MACC1: variants seen among roughly 807,000 people sequenced by gnomAD.
The protein encoded by MACC1 is metastasis-associated in colon cancer protein 1.
A neutral mutation model predicts 70.7 loss-of-function variants in MACC1; 79 were observed. That is an observed-to-expected ratio of 1.12 (90% CI 0.93 to 1.35). MACC1 has a LOEUF of 1.35. Ranked by LOEUF, MACC1 falls within the 40% of genes most tolerant of loss-of-function variation. The pLI is 0.00. For synonymous variants in MACC1, 361 were observed against 347.2 expected (o/e 1.04, Z -0.44); for missense variants, 1,106 against 978.1 (o/e 1.13, Z -1.74).
In MACC1 at chr7:20,159,838, G is replaced by C; in HGVS notation, c.523C>G (p.Arg175Gly). The C allele has an allele frequency of 6.2e-7, 1 of 1,614,086 alleles. No homozygotes were observed. Among genetic ancestry groups the C allele is most frequent in the Non-Finnish European group, 8.5e-7 (1 of 1,180,010 alleles). Residue 175 changes from arginine (R) to glycine (G), a missense_variant, in exon 5 of 7, where the codon CGG (arginine) becomes GGG (glycine). Transcript: ENST00000400331. Reference sequence around the variant, plus strand: ...AACCAAGCCATTTTATAAGCCTCCCGATCATTTTTAAGCCACTCTAAGTCG... The same window carrying C: ...AACCAAGCCATTTTATAAGCCTCCCCATCATTTTTAAGCCACTCTAAGTCG... Reference protein sequence around the residue: ...LHDLEWLKNDREAYKMAWLSQ... With the variant: ...LHDLEWLKNDGEAYKMAWLSQ...
At chr7:20,156,606 A>G (rs1318328709) in intron 5 of MACC1, among the ~76,000 whole-genome samples, 1 of 152,222 alleles carries the variant, frequency 6.6e-6, no homozygotes, top group Non-Finnish European at 1.5e-5. Context: ...AGCTTCTAAC[A>G]TTCAGTCTCC....
At chr7:20,144,754 G>T (rs1236916441) in intron 6 of MACC1, among the ~76,000 whole-genome samples, 2 of 152,110 alleles carry the variant, frequency 1.3e-5, no homozygotes, top group African/African-American at 2.4e-5. Flanking sequence ...ACAGACAAGG[G>T]TTTAGCATCA....
In MACC1 at chr7:20,156,149, C is replaced by T. The variant is rs543128080; in HGVS notation, c.2158-1768G>A. Among the ~76,000 whole-genome samples the T allele has an allele frequency of 5.5e-4, 84 of 152,210 alleles. 1 individual carries two copies. The highest frequency in any genetic ancestry group is 1.9e-3 in the African/African-American group (78 of 41,530). On this transcript the variant is annotated intron_variant, in intron 5 of 6. Coordinates refer to ENST00000400331, the MANE Select transcript of MACC1 (RefSeq NM_182762.4). ...GATCCCACAGTCTTTTTCAGCTTAT[C>T]GGGTCGCTCCCTGCCACACCAAATC...
chr7:20,204,221 C>G (rs552415298), intron 1 of MACC1, among the ~76,000 whole-genome samples: 5 of 152,136 alleles, frequency 3.3e-5, no homozygotes, highest in African/African-American at 9.6e-5. Flanking sequence ...GTGGCGTGAT[C>G]TCGGCTCACT....
intron 4 of MACC1, among the ~76,000 whole-genome samples, chr7:20,160,554 A>G (rs1019284104): frequency 2.0e-5 from 3 of 152,158 alleles, no homozygotes; most frequent in Non-Finnish European, 4.4e-5. Context: ...CATTTTCTTG[A>G]AAATGACTCA....
chr7:20,190,295 C>A (rs1186019338), intron 1 of MACC1, among the ~76,000 whole-genome samples: 1 of 152,118 alleles, frequency 6.6e-6, no homozygotes, highest in African/African-American at 2.4e-5. Context: ...AAGATAATTG[C>A]AATCATGGCA....
chr7:20,147,712 A>G (rs1049173575), intron 6 of MACC1, among the ~76,000 whole-genome samples: 2 of 152,214 alleles, frequency 1.3e-5, no homozygotes, highest in Non-Finnish European at 2.9e-5. Flanking sequence ...GATTCCATTG[A>G]AAAAGTCTAT....
At chr7:20,199,996 T>A (rs1326003290) in intron 1 of MACC1, among the ~76,000 whole-genome samples, 1 of 151,892 alleles carries the variant, frequency 6.6e-6, no homozygotes, top group East Asian at 1.9e-4. Context: ...AGATAGAGAA[T>A]AAAGATAAAC....
At chr7:20,155,464 C>A (rs1782042562) in intron 5 of MACC1, among the ~76,000 whole-genome samples, 1 of 152,128 alleles carries the variant, frequency 6.6e-6, no homozygotes, top group South Asian at 2.1e-4. Context: ...TGAATGTGGC[C>A]TCTCTCTTTC....
chr7:20,138,152 C>CAAAAAAAAAAAAAAAAAAAAAA lies in MACC1; in HGVS notation c.*2772_*2793dup, dbSNP rs535703374. On this transcript the variant is annotated 3_prime_UTR_variant, in exon 7 of 7. Coordinates refer to ENST00000400331, the MANE Select transcript of MACC1 (RefSeq NM_182762.4). ...TGGGCAACAGAGCCAGACTCTGGCT[C>CAAAAAAAAAAAAAAAAAAAAAA]AAAAAAAAAAAAAAAAAAAAAAAAA... The CAAAAAAAAAAAAAAAAAAAAAA allele has an allele frequency of 2.4e-4, 16 of 67,878 alleles. No individual in the cohort carries two copies. The highest frequency in any genetic ancestry group is 3.0e-4 in the Non-Finnish European group (10 of 33,486). The allele number at this position is 67,878 out of a possible 1,614,324, so 4.2% of individuals were successfully genotyped here.
chr7:20,152,234 GAA>G (rs1781989944), intron 6 of MACC1, among the ~76,000 whole-genome samples: 1 of 151,868 alleles, frequency 6.6e-6, no homozygotes, highest in African/African-American at 2.4e-5. Flanking sequence ...GCCCTCTGAG[GAA>G]ATGACATACA....
intron 2 of MACC1, 132 bp downstream of exon 2, chr7:20,170,582 G>A (rs1782289148): frequency 6.6e-6 from 1 of 152,196 alleles, no homozygotes; most frequent in African/African-American, 2.4e-5. Flanking sequence ...TTAGATTTGT[G>A]TTAGTACTTT....
Position 20,176,314 on chromosome 7 carries a change from C to A in MACC1, c.-217-5536G>T, listed in dbSNP as rs540622411. Among the ~76,000 whole-genome samples the A allele has an allele frequency of 8.4e-4, 128 of 152,090 alleles. No homozygotes were observed. The Middle Eastern group carries it at 0.037, about 44-fold the overall frequency. On this transcript the variant is annotated intron_variant, in intron 1 of 6. Coordinates refer to ENST00000400331, the MANE Select transcript of MACC1 (RefSeq NM_182762.4). ...AAACTCGTAAAAATAAAAGAGAAGT[C>A]TATACATGAGATAAAATGGCATAGA...
rs752945260 is a variant in MACC1, at chr7:20,159,652, G to T, written c.709C>A (p.Pro237Thr). 6 of 1,614,030 alleles carry T rather than the reference G, an allele frequency of 3.7e-6. No homozygotes were observed. In the East Asian group the frequency reaches 8.9e-5, roughly 24 times the overall value. Residue 237 changes from proline to threonine, a missense_variant, in exon 5 of 7, where the codon CCC becomes ACC. Transcript: ENST00000400331. ...TCTCCCACAGCCACATGACCTTGGG[G>T]CACATGAACAGTGATGTCTGATTCA... ...LPESDITVHV[P>T]QGHVAVGEFQ... is the part of the protein sequence containing the mutation.
chr7:20,178,652 T>A (rs1386711573), intron 1 of MACC1, among the ~76,000 whole-genome samples: 2 of 152,204 alleles, frequency 1.3e-5, no homozygotes, highest in East Asian at 3.8e-4. Flanking sequence ...CAGGCAGGAG[T>A]GCAAAGGCGC....
At position 20,135,188 on chromosome 7, in the gene MACC1, A is replaced by G. The variant is rs1407512912; in HGVS notation, c.*5758T>C. ...AATGTTACATATATTTTGTAAAATT[A>G]TCTTAAAATTATACTGAATACATGT... is the stretch of plus-strand genomic sequence containing the variant. On this transcript the variant is annotated 3_prime_UTR_variant, in exon 7 of 7. Transcript: ENST00000400331. 1 of 152,262 alleles carries G rather than the reference A, an allele frequency of 6.6e-6. No homozygotes were observed. Among genetic ancestry groups the G allele is most frequent in the Non-Finnish European group, 1.5e-5 (1 of 68,040 alleles). The allele number at this position is 152,262 out of a possible 1,614,324, so 9.4% of individuals were successfully genotyped here. A position where few individuals can be genotyped will look rare whatever the true frequency, so the allele number is the denominator to read the frequency against.
At chr7:20,198,233 T>C (rs550297112) in intron 1 of MACC1, among the ~76,000 whole-genome samples, 5 of 152,284 alleles carry the variant, frequency 3.3e-5, no homozygotes, top group African/African-American at 7.2e-5. Context: ...CAAAGAGATA[T>C]TGATCAAAGC....
chr7:20,204,215 C>T (rs528161739), intron 1 of MACC1, among the ~76,000 whole-genome samples: 4 of 152,102 alleles, frequency 2.6e-5, no homozygotes, highest in East Asian at 1.9e-4. Flanking sequence ...AGTGTAGTGG[C>T]GTGATCTCGG....
chr7:20,195,842 C>G (rs2128107629), intron 1 of MACC1, among the ~76,000 whole-genome samples: 1 of 152,280 alleles, frequency 6.6e-6, no homozygotes. Context: ...TAGTTTATTC[C>G]TGAAGTGTAG....
Sources: gnomAD v4.1 joint callset for allele counts (sites outside exome capture counted in the v4.1 genomes callset) on GRCh38, gnomAD v4.1.1 for gene constraint, MANE v1.5 for transcripts, NCBI Gene and HGNC (gene_info 2026-07-23, HGNC 2026-07-21) for gene names.